The following NAALADL2 variants were observed in gnomAD, a reference collection of about 807,000 sequenced individuals.
NAALADL2 encodes inactive N-acetylated-alpha-linked acidic dipeptidase-like protein 2.
Under a neutral mutation model 87.2 loss-of-function variants are expected in NAALADL2, and 76 were observed. The observed-to-expected ratio is 0.87, with a 90% CI of 0.72 to 1.05. NAALADL2 has a LOEUF of 1.05. NAALADL2 is among the 50% of genes least tolerant of loss of function. The probability of loss-of-function intolerance (pLI) is 0.00; values close to 1 mark genes in which losing one functional copy is unlikely to be tolerated. For synonymous variants in NAALADL2, 354 were observed against 331.0 expected (o/e 1.07, Z -0.75); for missense variants, 1,089 against 945.8 (o/e 1.15, Z -1.99).
At chr3:175,445,467 T>C (rs1720536597) in intron 5 of NAALADL2, among the ~76,000 whole-genome samples, 1 of 152,150 alleles carries the variant, frequency 6.6e-6, no homozygotes, top group African/African-American at 2.4e-5. Context: ...CTTTAGTAGC[T>C]ACTTACCTTT....
At chr3:175,619,247 G>GGAAT (rs1446591710) in intron 10 of NAALADL2, among the ~76,000 whole-genome samples, 1 of 99,190 alleles carries the variant, frequency 1.0e-5, no homozygotes, top group Admixed American at 1.2e-4. Flanking sequence ...AAGGAAGGAA[G>GGAAT]GAAGGAAGGA....
intron 2 of NAALADL2, among the ~76,000 whole-genome samples, chr3:174,665,072 G>T (rs1223940197): frequency 6.6e-6 from 1 of 152,156 alleles, no homozygotes; most frequent in Admixed American, 6.5e-5. Flanking sequence ...TCAGTCTTGT[G>T]GAAATTGTGT....
chr3:175,011,272 CAGAGAGACAGAGAG>C (rs1238958228), intron 1 of NAALADL2, among the ~76,000 whole-genome samples: 98 of 110,360 alleles, frequency 8.9e-4, no homozygotes, highest in African/African-American at 2.5e-3. Context: ...GGGAGAGAGA[CAGAGAGACAGAGAG>C]AGAGAGAGAG....
At chr3:175,395,592 C>G (rs953427531) in intron 5 of NAALADL2, among the ~76,000 whole-genome samples, 3 of 152,150 alleles carry the variant, frequency 2.0e-5, no homozygotes, top group South Asian at 4.1e-4. Context: ...ACTGACCCAT[C>G]ATTGTGAGTT....
chr3:174,697,973 C>A (rs1729185619), intron 2 of NAALADL2, among the ~76,000 whole-genome samples: 1 of 152,084 alleles, frequency 6.6e-6, no homozygotes, highest in Non-Finnish European at 1.5e-5. Flanking sequence ...TACCTGTAGT[C>A]CCTGCTACTC....
chr3:175,502,228 G>GGGGT (rs373702257), intron 9 of NAALADL2, among the ~76,000 whole-genome samples: 88 of 147,390 alleles, frequency 6.0e-4, no homozygotes, highest in African/African-American at 1.8e-3. Flanking sequence ...CATTATCCTG[G>GGGGT]GTGTGTGTGT....
At chr3:174,487,061 C>T (rs1386842327) in intron 1 of NAALADL2, among the ~76,000 whole-genome samples, 2 of 151,836 alleles carry the variant, frequency 1.3e-5, no homozygotes, top group African/African-American at 4.8e-5. Context: ...CTCTCTGGTC[C>T]TGATGCTTAG....
At chr3:174,858,117 GT>G (rs1397279634), upstream of NAALADL2, among the ~76,000 whole-genome samples, 13 of 145,348 alleles carry the variant, frequency 8.9e-5, no homozygotes, top group Non-Finnish European at 2.0e-4. Context: ...TAATAAAAAT[GT>G]TTTTATATAT....
chr3:174,716,140 A>T (rs1484495233), intron 2 of NAALADL2, among the ~76,000 whole-genome samples: 1 of 152,156 alleles, frequency 6.6e-6, no homozygotes, highest in Non-Finnish European at 1.5e-5. Flanking sequence ...TCCTTAACAA[A>T]TAGAATATCC....
At chr3:175,464,040 T>C (rs945913315) in intron 7 of NAALADL2, among the ~76,000 whole-genome samples, 3 of 152,164 alleles carry the variant, frequency 2.0e-5, no homozygotes, top group African/African-American at 7.2e-5. Context: ...TTCACCATGT[T>C]GGCCAGGCTG....
intron 5 of NAALADL2, among the ~76,000 whole-genome samples, chr3:175,379,254 G>A (rs185518918): frequency 4.6e-4 from 68 of 148,634 alleles, no homozygotes; most frequent in African/African-American, 1.7e-3. Flanking sequence ...TCATAGGCAT[G>A]TTGTGAAAAA....
intron 11 of NAALADL2, among the ~76,000 whole-genome samples, chr3:175,713,721 C>T (rs964588130): frequency 4.6e-5 from 7 of 151,850 alleles, no homozygotes; most frequent in African/African-American, 1.7e-4. Context: ...TCTTACCACC[C>T]CAAATGCAAA....
intron 2 of NAALADL2, among the ~76,000 whole-genome samples, chr3:175,203,576 T>A (rs1469020013): frequency 6.6e-6 from 1 of 151,498 alleles, no homozygotes; most frequent in Non-Finnish European, 1.5e-5. Flanking sequence ...TTCTTGCAGT[T>A]GATCTGGAAC....
chr3:175,035,180 T>C (rs1481466828), intron 1 of NAALADL2, among the ~76,000 whole-genome samples: 2 of 152,182 alleles, frequency 1.3e-5, no homozygotes, highest in African/African-American at 4.8e-5. Flanking sequence ...GCATGACCTA[T>C]GCCTAGGTTG....
At chr3:175,725,183 T>C (rs1479477875) in intron 11 of NAALADL2, among the ~76,000 whole-genome samples, 3 of 152,096 alleles carry the variant, frequency 2.0e-5, no homozygotes, top group Admixed American at 1.3e-4. Flanking sequence ...TCTTGGTGCA[T>C]TATGTATGCT....
intron 2 of NAALADL2, among the ~76,000 whole-genome samples, chr3:174,622,860 G>GA (rs1344312119): frequency 1.3e-5 from 2 of 152,088 alleles, no homozygotes; most frequent in Admixed American, 1.3e-4. Context: ...CTAACTTGGT[G>GA]AAACCCCGCC....
At chr3:175,328,704 G>C (rs1483033318) in intron 5 of NAALADL2, among the ~76,000 whole-genome samples, 2 of 152,086 alleles carry the variant, frequency 1.3e-5, no homozygotes, top group African/African-American at 4.8e-5. Flanking sequence ...GGTAAATTGG[G>C]CATCCAAACT....
chr3:175,780,306 C>T (rs2150210190), intron 13 of NAALADL2, among the ~76,000 whole-genome samples: 1 of 151,688 alleles, frequency 6.6e-6, no homozygotes, highest in South Asian at 2.1e-4. Flanking sequence ...AAGAATTTTT[C>T]CTCATAGTCT....
At chr3:174,859,502 G>A (rs1726207633) in intron 1 of NAALADL2, 52 bp downstream of exon 1, 7 of 1,459,468 alleles carry the variant, frequency 4.8e-6, no homozygotes, top group Middle Eastern at 3.5e-4. Flanking sequence ...AGAAACTTAA[G>A]CAGTGTTGAT....
Sources: allele counts gnomAD v4.1 joint callset (sites outside exome capture counted in the v4.1 genomes callset), GRCh38; gene constraint gnomAD v4.1.1; transcripts MANE v1.5; gene names NCBI Gene and HGNC (gene_info 2026-07-23, HGNC 2026-07-21).